Variants in EPHA3 observed in about 807,000 individuals in gnomAD.
EPHA3 encodes ephrin type-A receptor 3.
In EPHA3, 42 loss-of-function variants were observed where a neutral mutation model predicts 107.1. The observed-to-expected ratio is 0.39, with a 90% CI of 0.31 to 0.51. EPHA3 has a LOEUF of 0.51. Among genes scored for constraint, EPHA3 ranks in the 20% least tolerant of loss-of-function variants. The pLI is 0.78. For synonymous variants in EPHA3, 461 were observed against 424.8 expected (o/e 1.09, Z -1.05); for missense variants, 1,183 against 1,211.2 (o/e 0.98, Z 0.35).
intron 11 of EPHA3, among the ~76,000 whole-genome samples, chr3:89,422,229 A>T (rs1471667996): frequency 6.7e-6 from 1 of 149,752 alleles, no homozygotes; most frequent in Non-Finnish European, 1.5e-5. Flanking sequence ...ACACACACAC[A>T]CACAGAGCGA....
intron 3 of EPHA3, among the ~76,000 whole-genome samples, chr3:89,238,001 A>G (rs1457483093): frequency 1.3e-5 from 2 of 151,364 alleles, no homozygotes; most frequent in East Asian, 1.9e-4. Flanking sequence ...AAAAAAGAGG[A>G]TATGACTTTT....
intron 10 of EPHA3, among the ~76,000 whole-genome samples, chr3:89,416,785 A>G (rs1317057274): frequency 2.0e-5 from 3 of 151,462 alleles, no homozygotes; most frequent in African/African-American, 7.3e-5. Context: ...ATATACATGT[A>G]CATGTTTATG....
chr3:89,476,215 A>G (rs1203632039), intron 16 of EPHA3, among the ~76,000 whole-genome samples: 1 of 147,600 alleles, frequency 6.8e-6, no homozygotes, highest in Admixed American at 6.8e-5. Flanking sequence ...ATGTATATAT[A>G]TAAGCATATT....
At chr3:89,219,330 A>G (rs1291189672) in intron 3 of EPHA3, among the ~76,000 whole-genome samples, 1 of 151,832 alleles carries the variant, frequency 6.6e-6, no homozygotes, top group African/African-American at 2.4e-5. Context: ...TGCTCAGATA[A>G]TTTTGTGTTT....
chr3:89,318,830 G>T (rs1706973431), intron 3 of EPHA3, among the ~76,000 whole-genome samples: 1 of 151,886 alleles, frequency 6.6e-6, no homozygotes, highest in Non-Finnish European at 1.5e-5. Flanking sequence ...TTGAAAATGT[G>T]TAATACTTGA....
intron 3 of EPHA3, among the ~76,000 whole-genome samples, chr3:89,286,118 A>ATG (rs1373393002): frequency 6.0e-5 from 6 of 99,762 alleles, no homozygotes; most frequent in East Asian, 3.2e-4. Flanking sequence ...ATCAATTTCT[A>ATG]CGTGTGTGTG....
chr3:89,301,953 T>C (rs1706501600), intron 3 of EPHA3, among the ~76,000 whole-genome samples: 1 of 152,098 alleles, frequency 6.6e-6, no homozygotes, highest in East Asian at 1.9e-4. Context: ...TTGAGTGTAC[T>C]CAAGTAAAGA....
intron 3 of EPHA3, among the ~76,000 whole-genome samples, chr3:89,268,721 G>A (rs191402071): frequency 5.9e-5 from 9 of 151,986 alleles, no homozygotes; most frequent in Admixed American, 2.0e-4. Flanking sequence ...TAGCACTTTA[G>A]CTATAGCAGT....
At chr3:89,115,738 C>G (rs1437859424) in intron 1 of EPHA3, among the ~76,000 whole-genome samples, 1 of 152,122 alleles carries the variant, frequency 6.6e-6, no homozygotes, top group Non-Finnish European at 1.5e-5. Flanking sequence ...CATAATGTTT[C>G]CCATTGTTAC....
chr3:89,336,511 C>T (rs990428190), intron 3 of EPHA3, among the ~76,000 whole-genome samples: 1 of 152,116 alleles, frequency 6.6e-6, no homozygotes, highest in African/African-American at 2.4e-5. Context: ...GAGAAAAATA[C>T]ATTTATAGAG....
At chr3:89,258,452 G>T (rs1395789557) in intron 3 of EPHA3, among the ~76,000 whole-genome samples, 1 of 152,136 alleles carries the variant, frequency 6.6e-6, no homozygotes, top group Non-Finnish European at 1.5e-5. Context: ...TTTCCCTATT[G>T]TTAGATGACT....
At chr3:89,325,766 A>G (rs1707150450) in intron 3 of EPHA3, among the ~76,000 whole-genome samples, 2 of 152,112 alleles carry the variant, frequency 1.3e-5, no homozygotes, top group Non-Finnish European at 2.9e-5. Flanking sequence ...TGTACATACC[A>G]TAAATATTAT....
rs187161195 is a variant in EPHA3 at position 89,384,629 on chromosome 3, C to G, written c.1307-11208C>G. Among the ~76,000 whole-genome samples, 33 of 152,044 alleles carry G rather than the reference C, an allele frequency of 2.2e-4. No homozygotes were observed. The East Asian group carries it at 5.4e-3, about 25-fold the overall frequency. ...ACAATTAAATGCATATCTGTCTAAG[C>G]ATTTTGAGGGTATCTTATGTTTCAG... On this transcript the variant is annotated intron_variant, in intron 5 of 16. Coordinates refer to ENST00000336596, the MANE Select transcript of EPHA3 (RefSeq NM_005233.6).
Position 89,408,094 on chromosome 3 carries a change from G to T in EPHA3, c.1725G>T (p.Gly575=). Residue 575 remains glycine (G), a synonymous_variant, in exon 9 of 17, where the codon GGG becomes GGT. Transcript: ENST00000336596. ...GRFCGYKSKH[G]ADEKRLHFGN... is the part of the protein sequence containing the mutation. ...TCTGTGGCTATAAGTCAAAACATGG[G>T]GCAGATGAAAAAAGACTTCATTTTG... is the stretch of plus-strand genomic sequence containing the variant. 1 of 1,612,782 alleles carries T rather than the reference G, an allele frequency of 6.2e-7. No homozygotes were observed. The highest frequency in any genetic ancestry group is 8.5e-7 in the Non-Finnish European group (1 of 1,179,116).
chr3:89,396,933 A>G (rs1233952624), intron 6 of EPHA3, among the ~76,000 whole-genome samples: 1 of 152,210 alleles, frequency 6.6e-6, no homozygotes, highest in Non-Finnish European at 1.5e-5. Flanking sequence ...AATTTCCCAC[A>G]GCCTCATTGC....
chr3:89,480,581 C>T lies in EPHA3; in HGVS notation c.*1079C>T. 1 of 232,314 alleles carries T rather than the reference C, an allele frequency of 4.3e-6. No individual in the cohort carries two copies. Among genetic ancestry groups the T allele is most frequent in the Non-Finnish European group, 8.5e-6 (1 of 117,454 alleles). 14.4% of individuals were successfully genotyped at this position (232,314 alleles called of 1,614,324 possible). On this transcript the variant is annotated 3_prime_UTR_variant, in exon 17 of 17. Coordinates refer to ENST00000336596, the MANE Select transcript of EPHA3 (RefSeq NM_005233.6). The stretch of plus-strand genomic sequence containing the variant: ...AAGTGGAATCCTATATAGAATGCTG[C>T]ACTAATTGACAACACAGCCTATAGG...
At chr3:89,372,041 G>A (rs1197432827) in intron 5 of EPHA3, among the ~76,000 whole-genome samples, 1 of 150,838 alleles carries the variant, frequency 6.6e-6, no homozygotes, top group Non-Finnish European at 1.5e-5. Context: ...CAGAGAGAGG[G>A]AGGAAAGAAA....
At chr3:89,449,794 G>T (rs1343952361) in intron 14 of EPHA3, among the ~76,000 whole-genome samples, 1 of 152,118 alleles carries the variant, frequency 6.6e-6, no homozygotes, top group Non-Finnish European at 1.5e-5. Flanking sequence ...TTGAACTGCA[G>T]TATAACTAAA....
chr3:89,359,356 C>T (rs191626388), intron 5 of EPHA3, among the ~76,000 whole-genome samples: 3 of 150,706 alleles, frequency 2.0e-5, no homozygotes, highest in South Asian at 2.1e-4. Flanking sequence ...AAAGATATTG[C>T]TTTCTCTGTA....
Sources: allele counts gnomAD v4.1 joint callset (sites outside exome capture counted in the v4.1 genomes callset), GRCh38; gene constraint gnomAD v4.1.1; transcripts MANE v1.5; gene names NCBI Gene and HGNC (gene_info 2026-07-23, HGNC 2026-07-21).